XRN1: variants seen among roughly 807,000 people sequenced by gnomAD.
XRN1 encodes the protein strand-exchange protein 1 homolog.
Under a neutral mutation model 222.3 loss-of-function variants are expected in XRN1, and 67 were observed. The ratio of observed to expected loss-of-function variants is 0.30; its 90% CI spans 0.25 to 0.37. The LOEUF (loss-of-function observed/expected upper bound fraction) is 0.37, where lower values mean the gene tolerates loss of function less well. Ranked by LOEUF, XRN1 falls within the 10% of genes least tolerant of loss-of-function variation. The pLI, the probability that XRN1 is intolerant of heterozygous loss-of-function variation, is 1.00. For synonymous variants in XRN1, 643 were observed against 652.4 expected, an observed-to-expected ratio of 0.99 and a Z score of 0.22; for missense variants, 1,707 against 2,000.2, an observed-to-expected ratio of 0.85 and a Z score of 2.80.
chr3:142,335,393 C>T, intron 34 of XRN1, 55 bp downstream of exon 34: 1 of 1,490,494 alleles, frequency 6.7e-7, no homozygotes, highest in Non-Finnish European at 9.4e-7. Flanking sequence ...TGCTACAGAG[C>T]CACCAATTGC....
At chr3:142,442,829 G>A (rs1170878355) in intron 1 of XRN1, among the ~76,000 whole-genome samples, 1 of 151,786 alleles carries the variant, frequency 6.6e-6, no homozygotes, top group Non-Finnish European at 1.5e-5. Context: ...CGCCTCCTGG[G>A]TTCACGCCAT....
intron 8 of XRN1, among the ~76,000 whole-genome samples, chr3:142,421,750 T>A (rs1312192087): frequency 6.6e-6 from 1 of 152,204 alleles, no homozygotes; most frequent in African/African-American, 2.4e-5. Context: ...AAGCCAAATA[T>A]AAGAAATTCC....
chr3:142,370,496 C>T lies in XRN1; in HGVS notation c.3193G>A (p.Glu1065Lys), dbSNP rs1275876135. The T allele has an allele frequency of 7.5e-6, 12 of 1,604,710 alleles. No homozygotes were observed. Among genetic ancestry groups the T allele is most frequent in the Admixed American group, 1.7e-5 (1 of 57,922 alleles). Residue 1065 changes from glutamate to lysine, a missense_variant, in exon 27 of 41, where the codon GAA (glutamate) becomes AAA (lysine). By Grantham distance (56) the Glu-to-Lys change is moderately conservative (BLOSUM62 1). This residue lies in a region of XRN1 where 1,234 missense variants were observed against 1,518.2 expected (regional missense o/e 0.81). Coordinates refer to ENST00000392981, the MANE Select transcript of XRN1 (RefSeq NM_001282857.2). The stretch of plus-strand genomic sequence containing the variant: ...CTGAAAGTTAGTACCTTGCACTTTT[C>T]GACTTCTTCCTCAATTTTCTCAACA... ...AIVEKIEEEVEKCKQRKNNKK... is the reference protein window; with the variant it reads ...AIVEKIEEEVKKCKQRKNNKK...
At chr3:142,329,811 C>T (rs1412306215) in intron 36 of XRN1, among the ~76,000 whole-genome samples, 196 bp from the exon 37 acceptor site, 1 of 152,172 alleles carries the variant, frequency 6.6e-6, no homozygotes, top group African/African-American at 2.4e-5. Context: ...TCTAGCAGTA[C>T]AACCTGCCAT....
intron 13 of XRN1, among the ~76,000 whole-genome samples, chr3:142,415,687 T>C (rs934491253): frequency 6.6e-6 from 1 of 152,210 alleles, no homozygotes; most frequent in African/African-American, 2.4e-5. Context: ...ATAAAACTTT[T>C]TTCAAAGGCT....
chr3:142,385,932 T>C (rs943378737), intron 20 of XRN1, among the ~76,000 whole-genome samples: 1 of 151,542 alleles, frequency 6.6e-6, no homozygotes, highest in African/African-American at 2.4e-5. Context: ...TTTATACAAA[T>C]ATGTCATAAA....
chr3:142,376,119 T>A (rs2067137740), intron 24 of XRN1, 175 bp from the exon 25 acceptor site: 2 of 1,187,832 alleles, frequency 1.7e-6, no homozygotes, highest in Admixed American at 3.6e-5. Flanking sequence ...TAGCAGTAAT[T>A]GAAAAACTAG....
intron 15 of XRN1, among the ~76,000 whole-genome samples, chr3:142,406,693 ATT>A (rs756325232): frequency 1.4e-5 from 2 of 140,328 alleles, no homozygotes. Context: ...CATCCAGTTC[ATT>A]TTTTTTTTTT....
intron 37 of XRN1, among the ~76,000 whole-genome samples, chr3:142,322,091 G>T (rs994094008): frequency 6.6e-6 from 1 of 152,200 alleles, no homozygotes; most frequent in Admixed American, 6.5e-5. Context: ...AGGGTATCAA[G>T]AACTGGATAT....
intron 16 of XRN1, among the ~76,000 whole-genome samples, chr3:142,404,578 C>T (rs16852330): frequency 0.043 from 6,475 of 152,158 alleles, 446 homozygotes; most frequent in African/African-American, 0.15. Flanking sequence ...AGCAGAAACA[C>T]TGACAATGGA....
intron 32 of XRN1, among the ~76,000 whole-genome samples, chr3:142,351,872 A>G (rs1206355794): frequency 6.6e-6 from 1 of 151,620 alleles, no homozygotes. Flanking sequence ...TAGACAAGGC[A>G]GCATGAGAGA....
At chr3:142,328,031 T>C (rs1259776547) in intron 37 of XRN1, among the ~76,000 whole-genome samples, 1 of 152,228 alleles carries the variant, frequency 6.6e-6, no homozygotes, top group Non-Finnish European at 1.5e-5. Flanking sequence ...CAATATTCCA[T>C]TGTGTATATA....
intron 19 of XRN1, among the ~76,000 whole-genome samples, chr3:142,399,108 A>C (rs1039178645): frequency 3.9e-5 from 6 of 152,100 alleles, no homozygotes; most frequent in Admixed American, 6.5e-5. Context: ...AACATAGTTA[A>C]ATCTCCCCAA....
chr3:142,436,342 A>G (rs1417317550), intron 1 of XRN1, among the ~76,000 whole-genome samples: 1 of 152,220 alleles, frequency 6.6e-6, no homozygotes, highest in Non-Finnish European at 1.5e-5. Context: ...ATTGGGCTAA[A>G]TATGTATATT....
chr3:142,443,618 T>C (rs1363782836), intron 1 of XRN1, among the ~76,000 whole-genome samples: 1 of 152,224 alleles, frequency 6.6e-6, no homozygotes, highest in Non-Finnish European at 1.5e-5. Context: ...GAGCTCTGTT[T>C]TCACTCTATG....
chr3:142,397,928 A>G (rs2067988641), intron 19 of XRN1, among the ~76,000 whole-genome samples: 1 of 152,196 alleles, frequency 6.6e-6, no homozygotes, highest in Non-Finnish European at 1.5e-5. Flanking sequence ...TTCTACAAAT[A>G]TATACAATTA....
intron 15 of XRN1, among the ~76,000 whole-genome samples, chr3:142,408,315 A>G (rs1339171186): frequency 6.6e-6 from 1 of 152,198 alleles, no homozygotes; most frequent in Admixed American, 6.5e-5. Context: ...CATCTGGCCT[A>G]TACATGTGCC....
rs773480370 is a variant in XRN1 at position 142,335,303 on chromosome 3, T to C, written c.3939+145A>G. On this transcript the variant is annotated intron_variant, in intron 34 of 40. Coordinates refer to ENST00000392981, the MANE Select transcript of XRN1 (RefSeq NM_001282857.2). Reference sequence around the variant, plus strand: ...TTAGGTGTACAACCTCCCATCCAAGTGACTGTCAGCTTAACTTCAGTGACC... The same window carrying C: ...TTAGGTGTACAACCTCCCATCCAAGCGACTGTCAGCTTAACTTCAGTGACC... The C allele has an allele frequency of 1.1e-4, 75 of 701,790 alleles. No homozygotes were observed. The Middle Eastern group carries it at 3.1e-3, about 29-fold the overall frequency. 43.5% of individuals were successfully genotyped at this position (701,790 alleles called of 1,614,324 possible). A position where few individuals can be genotyped will look rare whatever the true frequency, so the allele number is the denominator to read the frequency against.
chr3:142,446,497 G>GGA (rs1448926674), intron 1 of XRN1, among the ~76,000 whole-genome samples: 1 of 152,138 alleles, frequency 6.6e-6, no homozygotes, highest in Non-Finnish European at 1.5e-5. Context: ...AAATTCCTCA[G>GGA]GATGGAGAGA....
Sources: allele counts gnomAD v4.1 joint callset (sites outside exome capture counted in the v4.1 genomes callset), GRCh38; gene constraint gnomAD v4.1.1; regional missense constraint gnomAD v4.1.1; transcripts MANE v1.5; gene names NCBI Gene and HGNC (gene_info 2026-07-23, HGNC 2026-07-21).